PMF1: variants seen among roughly 807,000 people sequenced by gnomAD.
PMF1 encodes the protein polyamine-modulated factor 1.
Under a neutral mutation model 26.7 loss-of-function variants are expected in PMF1, and 21 were observed. That is an observed-to-expected ratio of 0.79 (90% CI 0.56 to 1.13). The LOEUF is 1.13. PMF1 is among the 50% of genes most tolerant of loss of function. The pLI is 0.00. For synonymous variants in PMF1, 105 were observed against 101.0 expected (o/e 1.04, Z -0.24); for missense variants, 266 against 254.9 (o/e 1.04, Z -0.30).
At chr1:156,238,988 A>G (rs1012331640) in intron 4 of PMF1, among the ~76,000 whole-genome samples, 2 of 151,688 alleles carry the variant, frequency 1.3e-5, no homozygotes, top group African/African-American at 2.4e-5. Context: ...CTGCTCCACT[A>G]TCGCCACTCA....
intron 1 of PMF1, among the ~76,000 whole-genome samples, chr1:156,217,727 C>CA (rs10659605): frequency 0.016 from 1,298 of 82,930 alleles, 8 homozygotes; most frequent in Middle Eastern, 0.036. Flanking sequence ...GTCTCCAACT[C>CA]AAAAAAAAAA....
At chr1:156,219,204 C>T (rs1303407358) in intron 1 of PMF1, among the ~76,000 whole-genome samples, 2 of 152,132 alleles carry the variant, frequency 1.3e-5, no homozygotes, top group Non-Finnish European at 2.9e-5. Context: ...CAGGTGTGAG[C>T]CACCATGCAC....
Position 156,232,424 on chromosome 1 carries a change from G to A in PMF1, c.266G>A (p.Arg89Gln), listed in dbSNP as rs773324194. 8 of 1,613,666 alleles carry A rather than the reference G, an allele frequency of 5.0e-6. No individual in the cohort carries two copies. Among genetic ancestry groups the A allele is most frequent in the South Asian group, 1.1e-5 (1 of 91,052 alleles). Residue 89 changes from arginine to glutamine, a missense_variant and splice_region_variant, in exon 2 of 5, where the codon CGG becomes CAG. Coordinates refer to ENST00000368277, the MANE Select transcript of PMF1 (RefSeq NM_007221.4). ...KFIAQLQTSI[R>Q]EEISDIKEEG... ...ATAGCTCAGTTGCAGACATCTATCC[G>A]GGTGAGTGGCGGGAAGCCTGGCAGG...
rs1553279855 is a variant in PMF1 at position 156,225,308 on chromosome 1, T to TTTTTA, written c.162-7012_162-7011insTTTTA. Among the ~76,000 whole-genome samples the TTTTTA allele has an allele frequency of 1.5e-5, 2 of 133,828 alleles. 1 individual carries two copies. Among genetic ancestry groups the TTTTTA allele is most frequent in the Non-Finnish European group, 3.2e-5 (2 of 63,466 alleles). 87.8% of individuals were successfully genotyped at this position (133,828 alleles called of 152,430 possible). On this transcript the variant is annotated intron_variant, in intron 1 of 4. Transcript: ENST00000368277. Reference sequence around the variant, plus strand: ...TTTTTTTTTTTTTTTTTTTTTTTTTTAATTTCAGTAGTTTTTTGGGGAACA... The same window carrying TTTTTA: ...TTTTTTTTTTTTTTTTTTTTTTTTTTTTTTAAATTTCAGTAGTTTTTTGGGGAACA...
At chr1:156,228,756 G>T (rs1658528993) in intron 1 of PMF1, among the ~76,000 whole-genome samples, 1 of 152,076 alleles carries the variant, frequency 6.6e-6, no homozygotes, top group South Asian at 2.1e-4. Context: ...TTCAATTCCA[G>T]CCCTGCTTGG....
chr1:156,215,686 C>T (rs1657659275), intron 1 of PMF1, among the ~76,000 whole-genome samples: 1 of 152,038 alleles, frequency 6.6e-6, no homozygotes, highest in South Asian at 2.1e-4. Flanking sequence ...GCCACAGTGC[C>T]CGTCCCATTT....
intron 1 of PMF1, among the ~76,000 whole-genome samples, chr1:156,213,457 T>C (rs940861775): frequency 1.3e-5 from 2 of 152,184 alleles, no homozygotes; most frequent in Admixed American, 6.5e-5. Context: ...CTTTGCAAAT[T>C]AGAGCAGGGT....
intron 1 of PMF1, among the ~76,000 whole-genome samples, chr1:156,231,216 CAAAAAAAAA>C (rs71080753): frequency 4.1e-4 from 20 of 48,412 alleles, no homozygotes; most frequent in African/African-American, 1.4e-3. Context: ...GACTCCATCT[CAAAAAAAAA>C]AAAAAAAAAA....
chr1:156,213,236 G>C, intron 1 of PMF1, 60 bp downstream of exon 1: 1 of 1,588,798 alleles, frequency 6.3e-7, no homozygotes, highest in Non-Finnish European at 8.6e-7. Context: ...AATCCCGCGA[G>C]GTCAGGACGG....
chr1:156,232,659 T>C (rs1454826657), intron 2 of PMF1, among the ~76,000 whole-genome samples: 4 of 151,940 alleles, frequency 2.6e-5, no homozygotes, highest in Non-Finnish European at 5.9e-5. Flanking sequence ...TTATGTTGCC[T>C]GCTCTCTAGA....
At chr1:156,218,442 C>G (rs1456589930) in intron 1 of PMF1, among the ~76,000 whole-genome samples, 1 of 152,140 alleles carries the variant, frequency 6.6e-6, no homozygotes, top group Non-Finnish European at 1.5e-5. Flanking sequence ...ATCCTCCTGA[C>G]TCCTTTTCTC....
chr1:156,232,064 A>G (rs1306509427), intron 1 of PMF1, among the ~76,000 whole-genome samples: 1 of 152,182 alleles, frequency 6.6e-6, no homozygotes, highest in African/African-American at 2.4e-5. Context: ...GTGAGGAGTA[A>G]TCTTCAAGAG....
chr1:156,217,738 A>AC (rs2103078958), intron 1 of PMF1, among the ~76,000 whole-genome samples: 2 of 152,210 alleles, frequency 1.3e-5, no homozygotes, highest in Admixed American at 1.3e-4. Flanking sequence ...AAAAAAAAAA[A>AC]AAAAACAAAA....
In PMF1 at chr1:156,225,657, CAG is replaced by C. The variant is rs1658334674; in HGVS notation, c.162-6662_162-6661del. 9 of 1,556,994 alleles carry C rather than the reference CAG, an allele frequency of 5.8e-6. No homozygotes were observed. In the South Asian group the frequency reaches 1.1e-4, roughly 18 times the overall value. On this transcript the variant is annotated intron_variant, in intron 1 of 4. Transcript: ENST00000368277. The stretch of plus-strand genomic sequence containing the variant: ...CAGTTGGGCGGCGTGCAGGTTACCA[CAG>C]GGGAGGAAGGCAAGTCCTGGCTCCT...
At chr1:156,221,688 A>T (rs1426807667) in intron 1 of PMF1, among the ~76,000 whole-genome samples, 1 of 152,098 alleles carries the variant, frequency 6.6e-6, no homozygotes, top group Non-Finnish European at 1.5e-5. Flanking sequence ...TACTACTACA[A>T]ATCTCCATTT....
chr1:156,217,980 C>T (rs1159126111), intron 1 of PMF1, among the ~76,000 whole-genome samples: 1 of 152,212 alleles, frequency 6.6e-6, no homozygotes, highest in Non-Finnish European at 1.5e-5. Flanking sequence ...ACCTCTGTTC[C>T]ATCAGATTAC....
At chr1:156,228,670 C>T (rs1356486396) in intron 1 of PMF1, among the ~76,000 whole-genome samples, 1 of 152,166 alleles carries the variant, frequency 6.6e-6, no homozygotes, top group Non-Finnish European at 1.5e-5. Flanking sequence ...GACCCTCCGC[C>T]TGCTGAGTAG....
chr1:156,230,563 T>TGA (rs35002119), intron 1 of PMF1, among the ~76,000 whole-genome samples: 55,488 of 151,680 alleles, frequency 0.37, 10,248 homozygotes, highest in African/African-American at 0.41. Flanking sequence ...GGGAAGGGCC[T>TGA]GAGAGTGGAC....
chr1:156,238,491 G>T (rs767736762), intron 4 of PMF1, among the ~76,000 whole-genome samples: 2 of 152,220 alleles, frequency 1.3e-5, no homozygotes, highest in Non-Finnish European at 2.9e-5. Flanking sequence ...TTTCCTATGG[G>T]CTCAAAGTGC....
Sources: gnomAD v4.1 joint callset for allele counts (sites outside exome capture counted in the v4.1 genomes callset) on GRCh38, gnomAD v4.1.1 for gene constraint, MANE v1.5 for transcripts, NCBI Gene and HGNC (gene_info 2026-07-23, HGNC 2026-07-21) for gene names.